The following RIPOR3 variants were observed in gnomAD, a reference collection of about 807,000 sequenced individuals.
The protein encoded by RIPOR3 is RIPOR family member 3.
RIPOR3 carries 95 observed loss-of-function variants against 114.3 expected under a neutral mutation model. The ratio of observed to expected loss-of-function variants is 0.83; its 90% confidence interval spans 0.70 to 0.99. The LOEUF (loss-of-function observed/expected upper bound fraction) is 0.99, where lower values mean the gene tolerates loss of function less well. RIPOR3 is among the 50% of genes least tolerant of loss of function. RIPOR3 has a pLI of 0.00. For missense variants in RIPOR3, 1,252 were observed against 1,266.9 expected, an observed-to-expected ratio of 0.99 and a Z score of 0.18; for synonymous variants, 575 against 543.8, an observed-to-expected ratio of 1.06 and a Z score of -0.80.
chr20:50,589,307 C>CTTTTTTT (rs1241590522), intron 20 of RIPOR3, among the ~76,000 whole-genome samples: 1 of 137,704 alleles, frequency 7.3e-6, no homozygotes, highest in Non-Finnish European at 1.6e-5. Flanking sequence ...TATTTTGTAA[C>CTTTTTTT]TTTTTTTTTT....
chr20:50,653,976 C>A (rs942464806), intron 1 of RIPOR3: 1 of 152,112 alleles, frequency 6.6e-6, no homozygotes, highest in African/African-American at 2.4e-5. Flanking sequence ...TCTCATGAGA[C>A]CTTTCCTGGC....
intron 1 of RIPOR3, chr20:50,653,295 G>A (rs1329288854): frequency 6.6e-6 from 1 of 152,222 alleles, no homozygotes; most frequent in African/African-American, 2.4e-5. Flanking sequence ...GTCATTGCCA[G>A]AAGTTGAGGG....
chr20:50,690,723 G>A (rs974111024), intron 1 of RIPOR3, among the ~76,000 whole-genome samples: 2 of 152,148 alleles, frequency 1.3e-5, no homozygotes, highest in African/African-American at 2.4e-5. Context: ...CCCAGCTGCT[G>A]TTTCCTCAGG....
At chr20:50,676,904 C>G (rs73912206) in intron 1 of RIPOR3, among the ~76,000 whole-genome samples, 65 of 151,648 alleles carry the variant, frequency 4.3e-4, no homozygotes, top group African/African-American at 1.6e-3. Context: ...CACACCCAGC[C>G]CAGATACTGG....
chr20:50,676,899 C>G (rs2086695035), intron 1 of RIPOR3, among the ~76,000 whole-genome samples: 1 of 151,094 alleles, frequency 6.6e-6, no homozygotes, highest in Non-Finnish European at 1.5e-5. Flanking sequence ...CCACCCACAC[C>G]CAGCCCAGAT....
intron 19 of RIPOR3, 169 bp from the exon 20 acceptor site, chr20:50,589,938 A>G (rs1464315735): frequency 1.6e-6 from 1 of 618,980 alleles, no homozygotes; most frequent in Non-Finnish European, 3.0e-6. Flanking sequence ...ACACAGTCAC[A>G]AGATCTATAC....
intron 2 of RIPOR3, among the ~76,000 whole-genome samples, chr20:50,623,106 A>G (rs574676688): frequency 2.3e-4 from 35 of 151,928 alleles, no homozygotes; most frequent in Admixed American, 8.5e-4. Flanking sequence ...TCTACTAAAC[A>G]AAAAATTAGC....
chr20:50,592,860 T>C (rs1377726987), intron 18 of RIPOR3, among the ~76,000 whole-genome samples, 175 bp downstream of exon 18: 2 of 152,218 alleles, frequency 1.3e-5, no homozygotes, highest in African/African-American at 2.4e-5. Flanking sequence ...CTGACTTCCC[T>C]TGGAGCTAAT....
chr20:50,614,610 G>A (rs2084095634), intron 4 of RIPOR3: 1 of 170,372 alleles, frequency 5.9e-6, no homozygotes, highest in Non-Finnish European at 1.5e-5. Context: ...CCTGAGCAAT[G>A]GGATCCTAGC....
intron 16 of RIPOR3, 80 bp from the exon 17 acceptor site, chr20:50,594,794 G>A (rs1211771781): frequency 1.4e-6 from 2 of 1,481,222 alleles, no homozygotes; most frequent in Non-Finnish European, 1.8e-6. Flanking sequence ...CCCTCCACTA[G>A]GACCTGAGGG....
At chr20:50,618,270 C>CAAAAAAAAAA (rs61215608) in intron 3 of RIPOR3, among the ~76,000 whole-genome samples, 5 of 67,386 alleles carry the variant, frequency 7.4e-5, no homozygotes, top group African/African-American at 2.9e-4. Flanking sequence ...GACTCCGTCT[C>CAAAAAAAAAA]AAAAAAAAAA....
At chr20:50,659,239 G>A (rs573762984) in intron 1 of RIPOR3, among the ~76,000 whole-genome samples, 1 of 152,280 alleles carries the variant, frequency 6.6e-6, no homozygotes, top group South Asian at 2.1e-4. Context: ...GGACACATGT[G>A]CTTGTTGGCC....
chr20:50,602,126 C>T lies in RIPOR3; in HGVS notation c.1605G>A (p.Gln535=). 6.2e-7 allele frequency: 1 copy of T among 1,608,614 alleles called. No individual in the cohort carries two copies. Among genetic ancestry groups the T allele is most frequent in the Non-Finnish European group, 8.5e-7 (1 of 1,177,536 alleles). Reference sequence around the variant, plus strand: ...GGTACTCCAGCTCCCGGAGCTGGGGCTGGGTGGAGTCCGTGGGCCTCAGCA... The same window carrying T: ...GGTACTCCAGCTCCCGGAGCTGGGGTTGGGTGGAGTCCGTGGGCCTCAGCA... ...LELLRPTDST[Q]PQLRELEYQV... The change falls in exon 13 of 22, where the codon CAG becomes CAA. Residue 535 remains glutamine (Q), a synonymous_variant. Coordinates refer to ENST00000327979, the MANE Select transcript of RIPOR3 (RefSeq NM_001290268.2). The surrounding 1 kb of genome is among the most constrained non-coding windows in gnomAD (Gnocchi z 4.3).
chr20:50,595,545 G>T, intron 15 of RIPOR3, 41 bp from the exon 16 acceptor site: 1 of 1,604,000 alleles, frequency 6.2e-7, no homozygotes. Flanking sequence ...CATGGAACAT[G>T]CCCACCGAGG....
chr20:50,607,743 G>A (rs2083774969), intron 11 of RIPOR3, among the ~76,000 whole-genome samples: 1 of 152,148 alleles, frequency 6.6e-6, no homozygotes, highest in East Asian at 1.9e-4. Context: ...GTGACCCCCA[G>A]CTCGGACACC....
intron 17 of RIPOR3, among the ~76,000 whole-genome samples, chr20:50,593,857 A>C (rs2083194103): frequency 6.6e-6 from 1 of 152,100 alleles, no homozygotes; most frequent in African/African-American, 2.4e-5. Context: ...ATTCTGGGGA[A>C]GAACGCAGTC....
intron 2 of RIPOR3, 133 bp downstream of exon 2, chr20:50,630,605 C>G: frequency 1.5e-6 from 1 of 661,304 alleles, no homozygotes; most frequent in Admixed American, 2.8e-5. Context: ...CTCTCTGTCT[C>G]TCTCGGGCTG....
Position 50,608,958 on chromosome 20 carries a change from G to A in RIPOR3, c.641-3C>T. 6.3e-7 allele frequency: 1 copy of A among 1,579,134 alleles called. No individual in the cohort carries two copies. On this transcript the variant is annotated splice_region_variant and splice_polypyrimidine_tract_variant and intron_variant, in intron 8 of 21. Transcript: ENST00000327979. ...GAGGCGTGCGTAGCCCACCAAGCCTGGAACACAGACATGGCCGGTCTCCCC... is the reference window on the plus strand; with the variant it reads ...GAGGCGTGCGTAGCCCACCAAGCCTAGAACACAGACATGGCCGGTCTCCCC...
intron 1 of RIPOR3, among the ~76,000 whole-genome samples, chr20:50,663,182 T>G (rs2086059411): frequency 1.3e-5 from 2 of 151,976 alleles, no homozygotes; most frequent in Admixed American, 6.6e-5. Context: ...CACACAGGTA[T>G]TCACTGACGT....
Sources: gnomAD v4.1 joint callset for allele counts (sites outside exome capture counted in the v4.1 genomes callset) on GRCh38, gnomAD v4.1.1 for gene constraint, Gnocchi (gnomAD v3.1) non-coding constraint, MANE v1.5 for transcripts, NCBI Gene and HGNC (gene_info 2026-07-23, HGNC 2026-07-21) for gene names.